The following MAP3K5 variants were observed in gnomAD, a reference collection of about 807,000 sequenced individuals.
MAP3K5 encodes mitogen-activated protein kinase kinase kinase 5, also known as ASK-1.
A neutral mutation model predicts 158.7 loss-of-function variants in MAP3K5; 56 were observed. The observed-to-expected ratio is 0.35, with a 90% CI of 0.28 to 0.44. MAP3K5 has a LOEUF of 0.44. MAP3K5 is among the 20% of genes least tolerant of loss of function. MAP3K5 has a pLI of 1.00. For missense variants in MAP3K5, 1,294 were observed against 1,674.8 expected, an observed-to-expected ratio of 0.77 and a Z score of 3.97; for synonymous variants, 579 against 601.7, an observed-to-expected ratio of 0.96 and a Z score of 0.55.
chr6:136,613,933 G>A lies in MAP3K5; in HGVS notation c.2278+226C>T, dbSNP rs1254402495. 1.3e-5 allele frequency among the ~76,000 whole-genome samples: 2 copies of A among 152,160 alleles called. No individual in the cohort carries two copies. Among genetic ancestry groups the A allele is most frequent in the African/African-American group, 4.8e-5 (2 of 41,426 alleles). On this transcript the variant is annotated intron_variant, in intron 16 of 29. Coordinates refer to ENST00000359015, the MANE Select transcript of MAP3K5 (RefSeq NM_005923.4). The surrounding 1 kb of genome is among the most constrained non-coding windows in gnomAD (Gnocchi z 4.0). ...TTTTGGAGTCTGTGTTTCCTGGGTG[G>A]CTATCCTCAAGCTTTGCACTGGAAT...
chr6:136,700,457 G>T (rs1200031224), intron 3 of MAP3K5, among the ~76,000 whole-genome samples: 1 of 152,082 alleles, frequency 6.6e-6, no homozygotes, highest in African/African-American at 2.4e-5. Flanking sequence ...TATACAGAGT[G>T]GTATCATTAA....
chr6:136,680,233 A>T (rs547474857), intron 7 of MAP3K5, among the ~76,000 whole-genome samples: 2 of 152,318 alleles, frequency 1.3e-5, no homozygotes, highest in East Asian at 3.9e-4. Flanking sequence ...GTCATGCAAG[A>T]TGAAAAAATT....
chr6:136,731,597 G>A (rs559110268), intron 1 of MAP3K5, among the ~76,000 whole-genome samples: 5 of 152,240 alleles, frequency 3.3e-5, no homozygotes, highest in African/African-American at 1.2e-4. Context: ...GCAAAGACTC[G>A]TTTTCCAAAT....
At chr6:136,653,844 A>C (rs1263622302) in intron 10 of MAP3K5, among the ~76,000 whole-genome samples, 4 of 152,212 alleles carry the variant, frequency 2.6e-5, no homozygotes, top group Non-Finnish European at 5.9e-5. Context: ...GGAAAACTCA[A>C]GAAGGACTAC....
intron 15 of MAP3K5, among the ~76,000 whole-genome samples, chr6:136,615,629 C>G (rs1776529903): frequency 6.6e-6 from 1 of 152,076 alleles, no homozygotes; most frequent in Non-Finnish European, 1.5e-5. Context: ...AATCAGTAGC[C>G]TCAAATTTTA....
At chr6:136,754,039 T>C (rs1036938150) in intron 1 of MAP3K5, among the ~76,000 whole-genome samples, 1 of 151,894 alleles carries the variant, frequency 6.6e-6, no homozygotes, top group Admixed American at 6.6e-5. Flanking sequence ...TTTGGGAGGC[T>C]GACACAGAGA....
intron 1 of MAP3K5, among the ~76,000 whole-genome samples, chr6:136,786,327 C>T (rs1562706422): frequency 1.4e-5 from 2 of 144,416 alleles, no homozygotes; most frequent in Non-Finnish European, 3.0e-5. Flanking sequence ...TGCAGTGAGC[C>T]GAGATCGAGC....
intron 23 of MAP3K5, among the ~76,000 whole-genome samples, chr6:136,589,319 A>G (rs1775280211): frequency 6.6e-6 from 1 of 152,210 alleles, no homozygotes; most frequent in Admixed American, 6.5e-5. Context: ...AAGGACAGGT[A>G]GAGGCCACGG....
At chr6:136,633,894 G>A (rs1289563073) in intron 14 of MAP3K5, among the ~76,000 whole-genome samples, 1 of 152,208 alleles carries the variant, frequency 6.6e-6, no homozygotes, top group Non-Finnish European at 1.5e-5. Flanking sequence ...AAGGCTTCAG[G>A]AATAATTGAC....
intron 7 of MAP3K5, among the ~76,000 whole-genome samples, chr6:136,691,066 T>C (rs1172954767): frequency 6.6e-6 from 1 of 152,186 alleles, no homozygotes; most frequent in African/African-American, 2.4e-5. Context: ...TGATGTATCT[T>C]CTTTCTTAGG....
chr6:136,711,671 AAAAGAAAG>A (rs145580138), intron 2 of MAP3K5, among the ~76,000 whole-genome samples: 75 of 147,974 alleles, frequency 5.1e-4, no homozygotes, highest in African/African-American at 1.7e-3. Context: ...CTCAAAAAAA[AAAAGAAAG>A]AAAGAAAGAA....
In MAP3K5 at chr6:136,669,413, T is replaced by G. The variant is rs1303117393; in HGVS notation, c.1254-18A>C. 1 of 1,410,290 alleles carries G rather than the reference T, an allele frequency of 7.1e-7. No individual in the cohort carries two copies. Among genetic ancestry groups the G allele is most frequent in the Non-Finnish European group, 1.0e-6 (1 of 997,134 alleles). The allele number at this position is 1,410,290 out of a possible 1,614,324, so 87.4% of individuals were successfully genotyped here. On this transcript the variant is annotated intron_variant, in intron 7 of 29. Coordinates refer to ENST00000359015, the MANE Select transcript of MAP3K5 (RefSeq NM_005923.4). ...TTTTGAACCTATAAAAAACCACAAA[T>G]GTACAAGTTAACTTTCTCAATCATG...
chr6:136,680,526 T>C (rs1488406803), intron 7 of MAP3K5, among the ~76,000 whole-genome samples: 3 of 152,216 alleles, frequency 2.0e-5, no homozygotes, highest in Non-Finnish European at 2.9e-5. Flanking sequence ...TTCTTTAGGA[T>C]AGTTTCCCAG....
At chr6:136,594,698 T>G (rs185682566) in intron 21 of MAP3K5, among the ~76,000 whole-genome samples, 1 of 152,256 alleles carries the variant, frequency 6.6e-6, no homozygotes, top group Admixed American at 6.5e-5. Flanking sequence ...TGTGCATCAT[T>G]CATATTTCAA....
rs753150130 is a variant in MAP3K5 at position 136,592,282 on chromosome 6, G to A, written c.3116C>T (p.Ser1039Phe). ...SAPPSPEEKD[S>F]GFFMLRKDSE... is the part of the protein sequence containing the mutation. ...GTCCTTCCTCAGCATGAAGAATCCA[G>A]AATCTTTTTCTTCAGGGGAAGGAGG... Residue 1039 changes from serine to phenylalanine, a missense_variant, in exon 23 of 30, where the codon TCT (serine) becomes TTT (phenylalanine). By Grantham distance (155) the Ser-to-Phe change is radical. Transcript: ENST00000359015. 3 of 1,610,190 alleles carry A rather than the reference G, an allele frequency of 1.9e-6. No homozygotes were observed. The highest frequency in any genetic ancestry group is 4.5e-5 in the East Asian group (2 of 44,842).
At chr6:136,651,339 A>ATT (rs1778511352) in intron 10 of MAP3K5, among the ~76,000 whole-genome samples, 1 of 152,216 alleles carries the variant, frequency 6.6e-6, no homozygotes, top group African/African-American at 2.4e-5. Flanking sequence ...TTAGAAATAA[A>ATT]TTTTTGAAGT....
chr6:136,685,337 T>C (rs1780102993), intron 7 of MAP3K5, among the ~76,000 whole-genome samples: 2 of 151,988 alleles, frequency 1.3e-5, no homozygotes, highest in Non-Finnish European at 2.9e-5. Context: ...ATAATAATAA[T>C]AATCTAAACC....
At chr6:136,780,470 G>A (rs1784571173) in intron 1 of MAP3K5, among the ~76,000 whole-genome samples, 1 of 151,920 alleles carries the variant, frequency 6.6e-6, no homozygotes, top group South Asian at 2.1e-4. Context: ...ATATCTTTCT[G>A]GTTTTTCTCA....
intron 6 of MAP3K5, among the ~76,000 whole-genome samples, chr6:136,695,467 T>C (rs1399881206): frequency 1.3e-5 from 2 of 152,154 alleles, no homozygotes; most frequent in African/African-American, 4.8e-5. Flanking sequence ...AAAGCTATTA[T>C]AAAAAAGGTA....
Sources: gnomAD v4.1 joint callset for allele counts (sites outside exome capture counted in the v4.1 genomes callset) on GRCh38, gnomAD v4.1.1 for gene constraint, Gnocchi (gnomAD v3.1) non-coding constraint, MANE v1.5 for transcripts, NCBI Gene and HGNC (gene_info 2026-07-23, HGNC 2026-07-21) for gene names.